SMC4: variants seen among roughly 807,000 people sequenced by gnomAD.
SMC4 encodes structural maintenance of chromosomes protein 4.
SMC4 carries 87 observed loss-of-function variants against 145.6 expected under a neutral mutation model. The ratio of observed to expected loss-of-function variants is 0.60; its 90% CI spans 0.50 to 0.71. The LOEUF (loss-of-function observed/expected upper bound fraction) is 0.71, where lower values mean the gene tolerates loss of function less well. SMC4 is among the 30% of genes least tolerant of loss of function. SMC4 has a pLI of 0.00. For missense variants in SMC4, 1,447 were observed against 1,537.1 expected (o/e 0.94, Z 0.98); for synonymous variants, 558 against 500.7 (o/e 1.11, Z -1.53).
chr3:160,423,349 G>GTTTTTTTT, intron 13 of SMC4, 76 bp from the exon 14 acceptor site: 1 of 811,928 alleles, frequency 1.2e-6, no homozygotes. Context: ...ATTCCTATGG[G>GTTTTTTTT]TTTTTTTTTG....
In SMC4 at chr3:160,426,063, CT is replaced by C. The variant is rs1399694228; in HGVS notation, c.2479-5del. 1.9e-6 allele frequency: 3 copies of C among 1,569,130 alleles called. No homozygotes were observed. In the African/African-American group the frequency reaches 4.1e-5, roughly 22 times the overall value. ...AAAATATTGACCTTAAATGTTAAAA[CT>C]TTTTTGTAGCGTTTAATAGAGCAAG... is the stretch of plus-strand genomic sequence containing the variant. On this transcript the variant is annotated splice_polypyrimidine_tract_variant and intron_variant, in intron 16 of 23. Transcript: ENST00000357388.
chr3:160,426,160 G>A lies in SMC4; in HGVS notation c.2565G>A (p.Lys855=). ...NVLATAPDKK[K]QKLLEENVSA... is the part of the protein sequence containing the mutation. ...TTGCTACAGCCCCTGACAAAAAAAA[G>A]CAGAAATTGCTAGAAGAAAACGTTA... Residue 855 remains lysine, a synonymous_variant, in exon 17 of 24, where the codon AAG becomes AAA. Transcript: ENST00000357388. 1 of 1,609,116 alleles carries A rather than the reference G, an allele frequency of 6.2e-7. No individual in the cohort carries two copies. Among genetic ancestry groups the A allele is most frequent in the Non-Finnish European group, 8.5e-7 (1 of 1,177,320 alleles).
At chr3:160,425,841 A>G (rs141385287) in intron 16 of SMC4, among the ~76,000 whole-genome samples, 1 of 152,340 alleles carries the variant, frequency 6.6e-6, no homozygotes, top group African/African-American at 2.4e-5. Flanking sequence ...GGTGGTCTAC[A>G]TAAGTTTGCT....
At chr3:160,400,779 C>G (rs747434926) in intron 1 of SMC4, 43 bp from the exon 2 acceptor site, 1 of 1,453,680 alleles carries the variant, frequency 6.9e-7, no homozygotes, top group Non-Finnish European at 9.0e-7. Flanking sequence ...CGCGGTGTAG[C>G]GGCCCGCGGG....
intron 13 of SMC4, among the ~76,000 whole-genome samples, chr3:160,423,119 T>C (rs1717358429): frequency 6.6e-6 from 1 of 152,160 alleles, no homozygotes; most frequent in Non-Finnish European, 1.5e-5. Flanking sequence ...ATAATTTGTA[T>C]ATATGACTTT....
intron 13 of SMC4, among the ~76,000 whole-genome samples, chr3:160,422,741 A>G (rs769139716): frequency 3.3e-5 from 5 of 152,104 alleles, no homozygotes; most frequent in Non-Finnish European, 7.4e-5. Context: ...CCAAGGTCAC[A>G]GTGATTTGCC....
Position 160,417,819 on chromosome 3 carries a change from C to T in SMC4, c.1534C>T (p.Arg512Cys), listed in dbSNP as rs779745638. 3 of 1,613,540 alleles carry T rather than the reference C, an allele frequency of 1.9e-6. No individual in the cohort carries two copies. The highest frequency in any genetic ancestry group is 2.2e-5 in the South Asian group (2 of 91,028). ...AQSELDIYLS[R>C]HNTAVSQLTK... is the part of the protein sequence containing the mutation. ...GTCAGAACTTGATATCTATCTCAGT[C>T]GTCATAATACTGCAGTGTCTCAATT... Residue 512 changes from arginine to cysteine, a missense_variant, in exon 11 of 24, where the codon CGT becomes TGT. Coordinates refer to ENST00000357388, the MANE Select transcript of SMC4 (RefSeq NM_001002800.3).
rs1003354987 is a variant in SMC4, at chr3:160,434,023, A to G, written c.*214A>G. On this transcript the variant is annotated 3_prime_UTR_variant, in exon 24 of 24. Transcript: ENST00000357388. ...ATGACAATCTTGTAAGTAGCAGACT[A>G]TGGAGAAAAATGAGTTACCTGGAGG... 5.5e-6 allele frequency: 2 copies of G among 365,712 alleles called. No individual in the cohort carries two copies. Among genetic ancestry groups the G allele is most frequent in the Non-Finnish European group, 4.9e-6 (1 of 205,100 alleles). 22.7% of individuals were successfully genotyped at this position (365,712 alleles called of 1,614,324 possible).
At chr3:160,430,901 G>A (rs986429126) in intron 19 of SMC4, 131 bp from the exon 20 acceptor site, 3 of 1,244,442 alleles carry the variant, frequency 2.4e-6, no homozygotes, top group Admixed American at 2.7e-5. Context: ...TATAATTTGT[G>A]AATTTAAATG....
At position 160,423,356 on chromosome 3, in the gene SMC4, T is replaced by G; in HGVS notation, c.2020-69T>G. The G allele has an allele frequency of 3.5e-6, 3 of 864,092 alleles. No homozygotes were observed. The Admixed American group carries it at 8.9e-5, about 26-fold the overall frequency. 53.5% of individuals were successfully genotyped at this position (864,092 alleles called of 1,614,324 possible). ...TTGAATTTATTCCTATGGGTTTTTT[T>G]TTGTTTTTTTTTTTGAGTTTTCTTT... On this transcript the variant is annotated intron_variant, in intron 13 of 23. Transcript: ENST00000357388.
In SMC4 at chr3:160,434,375, CAG is replaced by C. The variant is rs1718755563; in HGVS notation, c.*567_*568del. On this transcript the variant is annotated 3_prime_UTR_variant, in exon 24 of 24. Transcript: ENST00000357388. The stretch of plus-strand genomic sequence containing the variant: ...TTACCAGAGAGCCAGTAAATTAGGA[CAG>C]TGTTTCAACAAGCCTAGGCTATCTC... The C allele has an allele frequency of 6.6e-6, 1 of 152,188 alleles. No individual in the cohort carries two copies. The highest frequency in any genetic ancestry group is 2.1e-4 in the South Asian group (1 of 4,836). The allele number at this position is 152,188 out of a possible 1,614,324, so 9.4% of individuals were successfully genotyped here.
chr3:160,434,847 ATTG>A lies in SMC4; in HGVS notation c.*1041_*1043del, dbSNP rs1459282655. 1 of 152,184 alleles carries A rather than the reference ATTG, an allele frequency of 6.6e-6. No individual in the cohort carries two copies. Among genetic ancestry groups the A allele is most frequent in the Non-Finnish European group, 1.5e-5 (1 of 68,022 alleles). 9.4% of individuals were successfully genotyped at this position (152,184 alleles called of 1,614,324 possible). ...TAATTGTTCCTTTCTTCAGTGGGCC[ATTG>A]TTTTAGATATTTAAAAAATCCAACA... On this transcript the variant is annotated 3_prime_UTR_variant, in exon 24 of 24. Coordinates refer to ENST00000357388, the MANE Select transcript of SMC4 (RefSeq NM_001002800.3).
chr3:160,425,610 A>T lies in SMC4; in HGVS notation c.2479-464A>T, dbSNP rs182929608. On this transcript the variant is annotated intron_variant, in intron 16 of 23. Coordinates refer to ENST00000357388, the MANE Select transcript of SMC4 (RefSeq NM_001002800.3). ...TTTTGTTTATAACATAATTTGACAA[A>T]TTTTTTTTGTATTATGTACATGGCT... Among the ~76,000 whole-genome samples, 941 of 151,912 alleles carry T rather than the reference A, an allele frequency of 6.2e-3. 9 individuals carry two copies. The highest frequency in any genetic ancestry group is 0.021 in the African/African-American group (855 of 41,432).
At chr3:160,420,685 A>G (rs547971073) in intron 12 of SMC4, 55 bp from the exon 13 acceptor site, 27 of 1,567,578 alleles carry the variant, frequency 1.7e-5, no homozygotes, top group African/African-American at 2.8e-5. Context: ...TGATGAATGA[A>G]ATGGTCCTGT....
intron 17 of SMC4, among the ~76,000 whole-genome samples, chr3:160,427,320 G>C (rs1717897937): frequency 6.6e-6 from 1 of 152,196 alleles, no homozygotes; most frequent in South Asian, 2.1e-4. Flanking sequence ...AGCATTCCAA[G>C]AAGAGTATAA....
At position 160,417,743 on chromosome 3, in the gene SMC4, G is replaced by A. The variant is rs1272275363; in HGVS notation, c.1458G>A (p.Met486Ile). 6.2e-7 allele frequency: 1 copy of A among 1,611,734 alleles called. No homozygotes were observed. The highest frequency in any genetic ancestry group is 1.1e-5 in the South Asian group (1 of 90,994). Residue 486 changes from methionine to isoleucine, a missense_variant, in exon 11 of 24, where the codon ATG (methionine) becomes ATA (isoleucine). Transcript: ENST00000357388. Reference sequence around the variant, plus strand: ...AACAGAGTCGAGAGAAAGAACTTATGGGTTTCAGCAAATCGGTAAATGAAG... The same window carrying A: ...AACAGAGTCGAGAGAAAGAACTTATAGGTTTCAGCAAATCGGTAAATGAAG... ...KEKESREKEL[M>I]GFSKSVNEAR...
At chr3:160,427,708 A>G (rs1004828833) in intron 17 of SMC4, among the ~76,000 whole-genome samples, 2 of 152,188 alleles carry the variant, frequency 1.3e-5, no homozygotes, top group East Asian at 1.9e-4. Flanking sequence ...AAAATTAAAT[A>G]TTTTCAACTA....
At chr3:160,414,547 T>C (rs1213334516) in intron 9 of SMC4, 30 bp downstream of exon 9, 1 of 1,589,722 alleles carries the variant, frequency 6.3e-7, no homozygotes, top group Non-Finnish European at 8.6e-7. Flanking sequence ...TCTTAAAATT[T>C]CACGTCTGAA....
intron 1 of SMC4, 53 bp downstream of exon 1, chr3:160,399,802 T>G (rs1714263737): frequency 6.6e-6 from 1 of 152,332 alleles, no homozygotes; most frequent in Admixed American, 6.5e-5. Flanking sequence ...TCCTGCCTTG[T>G]CCGCGAGCGC....
Sources: allele counts gnomAD v4.1 joint callset (sites outside exome capture counted in the v4.1 genomes callset), GRCh38; gene constraint gnomAD v4.1.1; transcripts MANE v1.5; gene names NCBI Gene and HGNC (gene_info 2026-07-23, HGNC 2026-07-21).